PHACTR1: variants seen among roughly 807,000 people sequenced by gnomAD.
The protein encoded by PHACTR1 is phosphatase and actin regulator 1.
PHACTR1 carries 16 observed loss-of-function variants against 69.2 expected under a neutral mutation model. That is an observed-to-expected ratio of 0.23 (90% CI 0.16 to 0.35). PHACTR1 has a LOEUF of 0.35. Among genes scored for constraint, PHACTR1 ranks in the 10% least tolerant of loss-of-function variants. The probability of loss-of-function intolerance (pLI) is 1.00; values close to 1 mark genes in which losing one functional copy is unlikely to be tolerated. For missense variants in PHACTR1, 510 were observed against 734.7 expected, an observed-to-expected ratio of 0.69 and a Z score of 3.54; for synonymous variants, 312 against 284.5, an observed-to-expected ratio of 1.10 and a Z score of -0.97.
intron 5 of PHACTR1, among the ~76,000 whole-genome samples, chr6:13,065,107 G>T (rs2127761618): frequency 6.6e-6 from 1 of 152,250 alleles, no homozygotes; most frequent in South Asian, 2.1e-4. Context: ...GCTTTCATGT[G>T]CTTCTGAGAC....
rs1772655084 is a variant in PHACTR1, at chr6:13,240,413, T to C, written c.1391+10220T>C. Among the ~76,000 whole-genome samples the C allele has an allele frequency of 2.0e-5, 3 of 151,700 alleles. No individual in the cohort carries two copies. In the South Asian group the frequency reaches 6.2e-4, roughly 31 times the overall value. On this transcript the variant is annotated intron_variant, in intron 10 of 14. Transcript: ENST00000332995. ...AAGGCTGTGTTTCTTAGGATATTCG[T>C]TGTGGGTTTTTTTTTGTTGTTGTTT...
chr6:12,963,921 A>T (rs1254102059), intron 4 of PHACTR1, among the ~76,000 whole-genome samples: 1 of 152,212 alleles, frequency 6.6e-6, no homozygotes, highest in Non-Finnish European at 1.5e-5. Flanking sequence ...AAGGGCCTGG[A>T]GGCTGAAAAT....
chr6:13,229,001 CAAGT>C (rs1354298056), intron 9 of PHACTR1, among the ~76,000 whole-genome samples: 2 of 152,222 alleles, frequency 1.3e-5, no homozygotes, highest in African/African-American at 4.8e-5. Flanking sequence ...TAGCTGGCTC[CAAGT>C]AAGACCTGGT....
At chr6:12,774,219 C>T (rs1769746035) in intron 4 of PHACTR1, among the ~76,000 whole-genome samples, 1 of 152,098 alleles carries the variant, frequency 6.6e-6, no homozygotes, top group Non-Finnish European at 1.5e-5. Context: ...GTATAATATT[C>T]ATGATTAATG....
Position 13,179,697 on chromosome 6 carries a change from GATAGAGAT to G in PHACTR1, c.497-2820_497-2813del, listed in dbSNP as rs1474802765. Among the ~76,000 whole-genome samples the G allele has an allele frequency of 1.0e-5, 1 of 100,198 alleles. No homozygotes were observed. Among genetic ancestry groups the G allele is most frequent in the East Asian group, 2.8e-4 (1 of 3,536 alleles). 65.7% of individuals were successfully genotyped at this position (100,198 alleles called of 152,430 possible). A position where few individuals can be genotyped will look rare whatever the true frequency, so the allele number is the denominator to read the frequency against. ...AGGTAGGTAGGTAGATAGATAAGTA[GATAGAGAT>G]AGATAGATAGATAGATAGATAGATA... is the stretch of plus-strand genomic sequence containing the variant. On this transcript the variant is annotated intron_variant, in intron 6 of 14. Transcript: ENST00000332995. This position sits in a 1 kb window ranked among gnomAD's most constrained non-coding sequence, Gnocchi z 4.2.
chr6:12,922,722 A>G (rs1268548683), intron 4 of PHACTR1, among the ~76,000 whole-genome samples: 2 of 152,186 alleles, frequency 1.3e-5, no homozygotes. Context: ...TATGGAAGTA[A>G]ATACCTTCTA....
intron 4 of PHACTR1, among the ~76,000 whole-genome samples, chr6:13,049,925 G>C (rs1408681477): frequency 6.6e-6 from 1 of 151,988 alleles, no homozygotes; most frequent in African/African-American, 2.4e-5. Context: ...AGTAAGTCTG[G>C]GAATATAGGT....
At chr6:12,904,429 G>A (rs1385237410) in intron 4 of PHACTR1, among the ~76,000 whole-genome samples, 1 of 151,750 alleles carries the variant, frequency 6.6e-6, no homozygotes, top group Non-Finnish European at 1.5e-5. Flanking sequence ...AGCTACTTGG[G>A]AGCCTGAGGC....
chr6:13,073,805 A>T (rs1809939810), intron 5 of PHACTR1, among the ~76,000 whole-genome samples: 1 of 151,992 alleles, frequency 6.6e-6, no homozygotes, highest in Admixed American at 6.6e-5. Flanking sequence ...ATTCCAGACT[A>T]TCCCATAGGC....
chr6:13,081,774 C>T lies in PHACTR1; in HGVS notation c.415+28245C>T, dbSNP rs577867445. 3.9e-5 allele frequency among the ~76,000 whole-genome samples: 6 copies of T among 152,286 alleles called. No homozygotes were observed. The South Asian group carries it at 1.2e-3, about 32-fold the overall frequency. On this transcript the variant is annotated intron_variant, in intron 5 of 14. Coordinates refer to ENST00000332995, the MANE Select transcript of PHACTR1 (RefSeq NM_030948.6). ...CCTGGGAGTTTGAGACTGCAGTAGG[C>T]TATGATTGTACCACTGCACTTCAGC... is the stretch of plus-strand genomic sequence containing the variant.
chr6:13,155,894 A>C (rs961687243), intron 5 of PHACTR1, among the ~76,000 whole-genome samples: 5 of 152,054 alleles, frequency 3.3e-5, no homozygotes, highest in African/African-American at 1.2e-4. Flanking sequence ...TCTCAAAAAA[A>C]AAAAACCTGA....
At chr6:12,973,438 T>A (rs1243576399) in intron 4 of PHACTR1, among the ~76,000 whole-genome samples, 3 of 152,222 alleles carry the variant, frequency 2.0e-5, no homozygotes, top group Non-Finnish European at 4.4e-5. Flanking sequence ...AAAATAACTT[T>A]CATATGTTCA....
chr6:13,282,918 T>G (rs1040136138), intron 12 of PHACTR1, among the ~76,000 whole-genome samples: 7 of 152,114 alleles, frequency 4.6e-5, no homozygotes, highest in Admixed American at 4.6e-4. Context: ...TTACTATCGA[T>G]TTGTATAGGT....
intron 8 of PHACTR1, among the ~76,000 whole-genome samples, chr6:13,211,880 G>A (rs539134999): frequency 6.6e-5 from 10 of 152,290 alleles, no homozygotes; most frequent in South Asian, 2.1e-4. Flanking sequence ...AAGTCAGATC[G>A]TGACTGTCTT....
At chr6:13,213,088 T>TTGAGTGAGTGAGTGAGTGAGTGAGTGAG (rs547670652) in intron 8 of PHACTR1, among the ~76,000 whole-genome samples, 5 of 151,766 alleles carry the variant, frequency 3.3e-5, no homozygotes, top group African/African-American at 1.2e-4. Flanking sequence ...GCTTATAGGT[T>TTGAGTGAGTGAGTGAGTGAGTGAGTGAG]TGAGTGAGTG....
chr6:12,859,735 T>C (rs1295896984), intron 4 of PHACTR1, among the ~76,000 whole-genome samples: 1 of 152,184 alleles, frequency 6.6e-6, no homozygotes, highest in East Asian at 1.9e-4. Context: ...GCTCTCTTCT[T>C]GATTAGGGAT....
At chr6:13,025,671 TTGTG>T (rs60800778) in intron 4 of PHACTR1, among the ~76,000 whole-genome samples, 2,150 of 140,278 alleles carry the variant, frequency 0.015, 24 homozygotes, top group African/African-American at 0.028. Context: ...CATATATTAT[TTGTG>T]TGTGTGTGTG....
intron 3 of PHACTR1, among the ~76,000 whole-genome samples, chr6:12,729,351 C>T (rs957834469): frequency 3.9e-5 from 6 of 152,166 alleles, no homozygotes; most frequent in South Asian, 4.1e-4. Context: ...AGTTTATCAT[C>T]GATGCAGCTT....
intron 4 of PHACTR1, among the ~76,000 whole-genome samples, chr6:12,919,610 A>G (rs185570597): frequency 2.0e-4 from 30 of 152,318 alleles, no homozygotes; most frequent in Non-Finnish European, 4.1e-4. Context: ...TTCTCATGCA[A>G]AAGGTTCTGG....
Sources: allele counts gnomAD v4.1 joint callset (sites outside exome capture counted in the v4.1 genomes callset), GRCh38; gene constraint gnomAD v4.1.1; non-coding constraint Gnocchi (gnomAD v3.1); transcripts MANE v1.5; gene names NCBI Gene and HGNC (gene_info 2026-07-23, HGNC 2026-07-21).